Variants in DNAH12 observed in about 807,000 individuals in gnomAD.
DNAH12 encodes the protein axonemal beta dynein heavy chain 12.
Under a neutral mutation model 371.5 loss-of-function variants are expected in DNAH12, and 285 were observed. That is an observed-to-expected ratio of 0.77 (90% confidence interval 0.70 to 0.85). DNAH12 has a LOEUF of 0.85. DNAH12 is among the 40% of genes least tolerant of loss of function. The pLI, the probability that DNAH12 is intolerant of heterozygous loss-of-function variation, is 0.00. For missense variants in DNAH12, 3,611 were observed against 3,689.4 expected (o/e 0.98, Z 0.55); for synonymous variants, 1,200 against 1,213.0 (o/e 0.99, Z 0.22).
rs149355522 is a variant in DNAH12, at chr3:57,496,572, C to T, written c.1335+4749G>A. 4.2e-4 allele frequency among the ~76,000 whole-genome samples: 64 copies of T among 152,206 alleles called. 1 individual carries two copies. The Middle Eastern group carries it at 0.014, about 32-fold the overall frequency. On this transcript the variant is annotated intron_variant, in intron 11 of 73. Transcript: ENST00000495027. ...ACCCTACTCTTAATGTATTTAATGA[C>T]GAAAATCTGAATATATTTCCCATAA... is the stretch of plus-strand genomic sequence containing the variant.
intron 12 of DNAH12, among the ~76,000 whole-genome samples, chr3:57,487,324 AG>A (rs1267296988): frequency 1.4e-5 from 1 of 72,190 alleles, no homozygotes; most frequent in Non-Finnish European, 2.6e-5. Context: ...AGAGAGAGAA[AG>A]GGAGGGAGGG....
chr3:57,313,787 A>G (rs779117006), intron 66 of DNAH12, among the ~76,000 whole-genome samples: 9 of 152,172 alleles, frequency 5.9e-5, no homozygotes, highest in Non-Finnish European at 1.0e-4. Context: ...AGCCTGGGCA[A>G]CACAGCGAGA....
intron 8 of DNAH12, among the ~76,000 whole-genome samples, chr3:57,507,081 G>T (rs1459961346): frequency 6.6e-6 from 1 of 151,396 alleles, no homozygotes; most frequent in Non-Finnish European, 1.5e-5. Context: ...TGGAATTGTT[G>T]GAGGTCTTTA....
intron 4 of DNAH12, among the ~76,000 whole-genome samples, chr3:57,513,782 T>A (rs551317258): frequency 2.6e-5 from 4 of 150,944 alleles, no homozygotes; most frequent in Non-Finnish European, 2.9e-5. Context: ...TTGACAAAAA[T>A]TTTTTTTTAA....
chr3:57,428,918 T>C (rs1198783092), intron 33 of DNAH12, 97 bp from the exon 34 acceptor site: 17 of 1,237,952 alleles, frequency 1.4e-5, no homozygotes, highest in Non-Finnish European at 1.8e-5. Context: ...AGATCCTTTA[T>C]AATCTAGCTC....
Position 57,296,999 on chromosome 3 carries a change from CA to C in DNAH12, c.11395-16del. The C allele has an allele frequency of 6.4e-7, 1 of 1,550,552 alleles. No individual in the cohort carries two copies. Among genetic ancestry groups the C allele is most frequent in the Admixed American group, 2.0e-5 (1 of 50,804 alleles). The stretch of plus-strand genomic sequence containing the variant: ...TTATACCAGTCCTACAAAGGGAAAA[CA>C]AAACACATTATGTCAGTTTTTAAAG... On this transcript the variant is annotated splice_polypyrimidine_tract_variant and intron_variant, in intron 70 of 73. Coordinates refer to ENST00000495027, the MANE Select transcript of DNAH12 (RefSeq NM_001366028.2).
chr3:57,401,142 A>C (rs952510817), intron 43 of DNAH12, among the ~76,000 whole-genome samples: 2 of 152,190 alleles, frequency 1.3e-5, no homozygotes, highest in Admixed American at 6.5e-5. Context: ...AGAAATCACA[A>C]GGGAAATTAG....
intron 60 of DNAH12, among the ~76,000 whole-genome samples, chr3:57,341,019 T>C (rs2062382807): frequency 6.6e-6 from 1 of 152,124 alleles, no homozygotes; most frequent in African/African-American, 2.4e-5. Flanking sequence ...CACAACAGAA[T>C]GAAGGACAAA....
intron 11 of DNAH12, among the ~76,000 whole-genome samples, chr3:57,492,976 G>A (rs1490853279): frequency 1.3e-5 from 2 of 151,608 alleles, no homozygotes; most frequent in South Asian, 2.1e-4. Context: ...CTGCACTCCA[G>A]CCTGGGCGAC....
intron 65 of DNAH12, among the ~76,000 whole-genome samples, chr3:57,321,285 G>A (rs187949379): frequency 1.6e-4 from 24 of 152,174 alleles, no homozygotes; most frequent in Middle Eastern, 3.4e-3. Flanking sequence ...AAATTATGGC[G>A]CAGAACTAGG....
intron 59 of DNAH12, among the ~76,000 whole-genome samples, chr3:57,355,933 TCA>T (rs1305801348): frequency 1.3e-5 from 2 of 152,164 alleles, no homozygotes; most frequent in East Asian, 1.9e-4. Flanking sequence ...AAAAATTATC[TCA>T]TTTAATTCTC....
At chr3:57,489,345 A>G (rs972151360) in intron 12 of DNAH12, among the ~76,000 whole-genome samples, 164 bp downstream of exon 12, 1 of 152,174 alleles carries the variant, frequency 6.6e-6, no homozygotes, top group Admixed American at 6.5e-5. Flanking sequence ...AACAAAAAGA[A>G]TCCAGCCCAA....
At chr3:57,450,669 A>G (rs1475421180) in intron 25 of DNAH12, among the ~76,000 whole-genome samples, 2 of 152,238 alleles carry the variant, frequency 1.3e-5, no homozygotes, top group African/African-American at 4.8e-5. Flanking sequence ...TTTGAAATTC[A>G]TCTGCTCAAC....
intron 8 of DNAH12, among the ~76,000 whole-genome samples, chr3:57,504,817 C>T (rs907162995): frequency 6.6e-6 from 1 of 152,074 alleles, no homozygotes; most frequent in African/African-American, 2.4e-5. Context: ...GTTGTGCTAG[C>T]AAATACTAGG....
At chr3:57,548,976 T>C (rs987721515), upstream of DNAH12, 1 of 152,154 alleles carries the variant, frequency 6.6e-6, no homozygotes, top group African/African-American at 2.4e-5. Context: ...AGCAAAATCC[T>C]TCACTTTTTC....
intron 4 of DNAH12, chr3:57,512,347 G>A (rs1373586760): frequency 3.3e-5 from 5 of 152,158 alleles, no homozygotes; most frequent in African/African-American, 9.7e-5. Flanking sequence ...CTACAGGGAA[G>A]AGGAAATGAG....
chr3:57,377,561 A>G (rs1013218279), intron 52 of DNAH12, among the ~76,000 whole-genome samples: 1 of 152,106 alleles, frequency 6.6e-6, no homozygotes, highest in Non-Finnish European at 1.5e-5. Flanking sequence ...ATAACATGAA[A>G]TAATAAGTGT....
upstream of DNAH12, among the ~76,000 whole-genome samples, chr3:57,545,486 T>C (rs2069500778): frequency 6.6e-6 from 1 of 152,002 alleles, no homozygotes; most frequent in South Asian, 2.1e-4. Flanking sequence ...CTCAGTCCTA[T>C]GACAGATTAG....
intron 60 of DNAH12, among the ~76,000 whole-genome samples, chr3:57,349,137 CCAAA>C (rs1309031293): frequency 6.6e-6 from 1 of 151,952 alleles, no homozygotes; most frequent in African/African-American, 2.4e-5. Flanking sequence ...AGAAAAAAAG[CCAAA>C]CAATCTCATA....
Sources: gnomAD v4.1 joint callset for allele counts (sites outside exome capture counted in the v4.1 genomes callset) on GRCh38, gnomAD v4.1.1 for gene constraint, MANE v1.5 for transcripts, NCBI Gene and HGNC (gene_info 2026-07-23, HGNC 2026-07-21) for gene names.